The following RYR1 variants were observed in gnomAD, a reference collection of about 807,000 sequenced individuals.
The protein encoded by RYR1 is central core disease of muscle.
A neutral mutation model predicts 583.5 loss-of-function variants in RYR1; 342 were observed. The observed-to-expected ratio is 0.59, with a 90% CI of 0.54 to 0.64. RYR1 has a LOEUF of 0.64. RYR1 is among the 30% of genes least tolerant of loss of function. The probability of loss-of-function intolerance (pLI) is 0.00; values close to 1 mark genes in which losing one functional copy is unlikely to be tolerated. For missense variants in RYR1, 6,032 were observed against 6,917.2 expected (o/e 0.87, Z 4.54); for synonymous variants, 2,791 against 2,822.5 (o/e 0.99, Z 0.35).
At position 38,446,712 on chromosome 19, in the gene RYR1, G is replaced by C; in HGVS notation, c.744G>C (p.Gly248=). ...TCCCCAGACTTGTCTACTATGAGGG[G>C]GGAGCTGTGTGCACTCATGCCCGCT... is the stretch of plus-strand genomic sequence containing the variant. ...DDQRRLVYYE[G]GAVCTHARSL... is the part of the protein sequence containing the mutation. The change falls in exon 9 of 106, where the codon GGG becomes GGC. Residue 248 remains glycine, a synonymous_variant. Coordinates refer to ENST00000359596, the MANE Select transcript of RYR1 (RefSeq NM_000540.3). The C allele has an allele frequency of 6.2e-7, 1 of 1,613,998 alleles. No individual in the cohort carries two copies.
intron 48 of RYR1, 46 bp from the exon 49 acceptor site, chr19:38,502,831 CAGA>C (rs1970246889): frequency 6.6e-7 from 1 of 1,521,780 alleles, no homozygotes. Context: ...GCAGGGGCAG[CAGA>C]GCGGGCCTGG....
chr19:38,452,017 A>C, intron 12 of RYR1, 132 bp downstream of exon 12: 1 of 1,258,896 alleles, frequency 7.9e-7, no homozygotes. Context: ...GGCCAAGCGC[A>C]GTGGCTCACA....
At chr19:38,569,278 A>T (rs1973604273) in intron 93 of RYR1, among the ~76,000 whole-genome samples, 1 of 151,754 alleles carries the variant, frequency 6.6e-6, no homozygotes, top group East Asian at 1.9e-4. Context: ...AAGTGCTGGG[A>T]TTACAGGCGT....
At chr19:38,446,436 G>A in intron 7 of RYR1, 36 bp from the exon 8 acceptor site, 1 of 1,510,792 alleles carries the variant, frequency 6.6e-7, no homozygotes. Context: ...TGGGGCTCCA[G>A]CCTCCCATTG....
chr19:38,446,523 A>G lies in RYR1; in HGVS notation c.683A>G (p.Glu228Gly), dbSNP rs1260538999. ...VLRLFHGHMD[E>G]CLTISPADSD... Reference sequence around the variant, plus strand: ...CGCCTCTTTCATGGACATATGGATGAGTGTCTGACCATTTCCCCTGCTGAC... The same window carrying G: ...CGCCTCTTTCATGGACATATGGATGGGTGTCTGACCATTTCCCCTGCTGAC... The change falls in exon 8 of 106, where the codon GAG becomes GGG. Residue 228 changes from glutamate (E) to glycine (G), a missense_variant. Glu to Gly is a moderately conservative substitution (Grantham distance 98, BLOSUM62 -2). This residue lies in a region of RYR1 where 338 missense variants were observed against 441.6 expected (regional missense o/e 0.77). Coordinates refer to ENST00000359596, the MANE Select transcript of RYR1 (RefSeq NM_000540.3). 11 of 1,614,036 alleles carry G rather than the reference A, an allele frequency of 6.8e-6. No individual in the cohort carries two copies. Among genetic ancestry groups the G allele is most frequent in the African/African-American group, 1.3e-5 (1 of 74,906 alleles).
At position 38,459,210 on chromosome 19, in the gene RYR1, C is replaced by G; in HGVS notation, c.2232C>G (p.Ser744Arg). ...QHLLAPEDVISCCLDLSVPSI... is the reference protein window; with the variant it reads ...QHLLAPEDVIRCCLDLSVPSI... Reference sequence around the variant, plus strand: ...TCCTGGCCCCTGAAGACGTGATCAGCTGCTGCCTGGACCTCAGCGTGCCGT... The same window carrying G: ...TCCTGGCCCCTGAAGACGTGATCAGGTGCTGCCTGGACCTCAGCGTGCCGT... The change falls in exon 19 of 106, where the codon AGC becomes AGG. Residue 744 changes from serine (S) to arginine (R), a missense_variant. By Grantham distance (110) the Ser-to-Arg change is moderately radical. Coordinates refer to ENST00000359596, the MANE Select transcript of RYR1 (RefSeq NM_000540.3). 6.2e-7 allele frequency: 1 copy of G among 1,614,200 alleles called. No homozygotes were observed. The highest frequency in any genetic ancestry group is 8.5e-7 in the Non-Finnish European group (1 of 1,180,038).
chr19:38,464,774 G>A (rs1450023222), intron 23 of RYR1, 52 bp downstream of exon 23: 7 of 1,502,300 alleles, frequency 4.7e-6, no homozygotes, highest in Non-Finnish European at 6.4e-6. Context: ...GGCTGGGGAT[G>A]CTGTGCTAAG....
intron 70 of RYR1, among the ~76,000 whole-genome samples, chr19:38,524,319 GAT>G: frequency 1.1e-3 from 1 of 876 alleles, no homozygotes; most frequent in East Asian, 0.05. Flanking sequence ...CCTCGCCGTG[GAT>G]GGTTTAAAGC....
At chr19:38,464,762 GGGGCTGGGGATGCTGTGCTAA>G (rs1234799946) in intron 23 of RYR1, 40 bp downstream of exon 23, 15 of 1,534,022 alleles carry the variant, frequency 9.8e-6, no homozygotes, top group Non-Finnish European at 1.2e-5. Context: ...GGATGGACTG[GGGGCTGGGGATGCTGTGCTAA>G]GGGCTGGGGA....
chr19:38,506,846 C>T lies in RYR1; in HGVS notation c.8710C>T (p.Leu2904=), dbSNP rs771547229. 1 of 1,613,974 alleles carries T rather than the reference C, an allele frequency of 6.2e-7. No homozygotes were observed. The highest frequency in any genetic ancestry group is 1.3e-5 in the African/African-American group (1 of 74,916). ...LEAKGGGTHP[L]LVPYDTLTAK... ...CTCCCCAGGCGGTGGGACCCACCCC[C>T]TGCTGGTCCCCTACGACACGCTCAC... Residue 2904 remains leucine, a synonymous_variant, in exon 57 of 106, where the codon CTG becomes TTG. Coordinates refer to ENST00000359596, the MANE Select transcript of RYR1 (RefSeq NM_000540.3).
At position 38,463,342 on chromosome 19, in the gene RYR1, A is replaced by G; in HGVS notation, c.2578-81A>G. The G allele has an allele frequency of 8.3e-6, 10 of 1,207,956 alleles. No homozygotes were observed. The South Asian group carries it at 1.3e-4, about 15-fold the overall frequency. The allele number at this position is 1,207,956 out of a possible 1,614,324, so 74.8% of individuals were successfully genotyped here. ...GTGCTGGAGGAGCCTCCCAGGGCTC[A>G]CAGGTGTTCTTGGAAAGAGGGGTCA... On this transcript the variant is annotated intron_variant, in intron 20 of 105. Transcript: ENST00000359596.
At chr19:38,578,296 C>A in intron 99 of RYR1, 92 bp downstream of exon 99, 1 of 1,319,280 alleles carries the variant, frequency 7.6e-7, no homozygotes. Flanking sequence ...CAAAGAATGA[C>A]TCCTGGGACC....
intron 84 of RYR1, among the ~76,000 whole-genome samples, chr19:38,541,583 G>T (rs1407591699): frequency 1.3e-5 from 2 of 152,198 alleles, no homozygotes; most frequent in East Asian, 1.9e-4. Context: ...GGGCGTGGTG[G>T]CGCATGCCTG....
At chr19:38,549,264 A>G (rs186556955) in intron 89 of RYR1, among the ~76,000 whole-genome samples, 57 of 151,896 alleles carry the variant, frequency 3.8e-4, no homozygotes, top group Non-Finnish European at 6.6e-4. Context: ...TCAGTTTCCT[A>G]CTCTGTAAAA....
In RYR1 at chr19:38,467,984, A is replaced by G. The variant is rs150137731; in HGVS notation, c.3381+172A>G. On this transcript the variant is annotated intron_variant, in intron 25 of 105. Transcript: ENST00000359596. ...CAACCAATGATTCATCCATCCATCC[A>G]TCCATCGATCTATCAGACATCCATC... 4.7e-3 allele frequency: 3,051 copies of G among 647,420 alleles called. 97 individuals are homozygous for G. Among genetic ancestry groups the G allele is most frequent in the African/African-American group, 0.047 (2,611 of 55,956 alleles). 40.1% of individuals were successfully genotyped at this position (647,420 alleles called of 1,614,324 possible).
chr19:38,505,977 G>A, intron 54 of RYR1, 31 bp downstream of exon 54: 2 of 1,604,198 alleles, frequency 1.2e-6, no homozygotes, highest in South Asian at 1.1e-5. Flanking sequence ...GAGGGCAGGG[G>A]CACGATGGGG....
chr19:38,492,381 A>G, intron 37 of RYR1, 109 bp from the exon 38 acceptor site: 1 of 1,223,674 alleles, frequency 8.2e-7, no homozygotes, highest in Non-Finnish European at 1.2e-6. Context: ...AAAAAAAGGA[A>G]ATGAAAAACT....
chr19:38,561,604 T>G lies in RYR1; in HGVS notation c.12624+150T>G, dbSNP rs1378475260. ...GCCCACGCCCACCCTTTTGTACACA[T>G]TTCGTCCAGCTGCGCCCTTGCACAT... On this transcript the variant is annotated intron_variant, in intron 90 of 105. Transcript: ENST00000359596. The surrounding 1 kb of genome is among the most constrained non-coding windows in gnomAD (Gnocchi z 4.8). 1.2e-6 allele frequency: 1 copy of G among 804,908 alleles called. No individual in the cohort carries two copies. The highest frequency in any genetic ancestry group is 1.9e-6 in the Non-Finnish European group (1 of 516,494). 49.9% of individuals were successfully genotyped at this position (804,908 alleles called of 1,614,324 possible).
At chr19:38,536,824 C>T (rs371425685) in intron 83 of RYR1, 57 bp downstream of exon 83, 12 of 1,569,726 alleles carry the variant, frequency 7.6e-6, no homozygotes, top group South Asian at 3.3e-5. Flanking sequence ...CTCCTAACCC[C>T]GTCCACCCCT....
Sources: gnomAD v4.1 joint callset for allele counts (sites outside exome capture counted in the v4.1 genomes callset) on GRCh38, gnomAD v4.1.1 for gene constraint, gnomAD v4.1.1 regional missense constraint, Gnocchi (gnomAD v3.1) non-coding constraint, MANE v1.5 for transcripts, NCBI Gene and HGNC (gene_info 2026-07-23, HGNC 2026-07-21) for gene names.